The following LRIG1 variants were observed in gnomAD, a reference collection of about 807,000 sequenced individuals.
The protein encoded by LRIG1 is leucine-rich repeats and immunoglobulin-like domains protein 1.
Under a neutral mutation model 99.2 loss-of-function variants are expected in LRIG1, and 48 were observed. The observed-to-expected ratio is 0.48, with a 90% CI of 0.38 to 0.62. The LOEUF (loss-of-function observed/expected upper bound fraction) is 0.62, where lower values mean the gene tolerates loss of function less well. LRIG1 is among the 20% of genes least tolerant of loss of function. The pLI, the probability that LRIG1 is intolerant of heterozygous loss-of-function variation, is 0.00. For synonymous variants in LRIG1, 772 were observed against 596.1 expected (o/e 1.29, Z -4.30); for missense variants, 1,646 against 1,434.4 (o/e 1.15, Z -2.38).
Position 66,488,030 on chromosome 3 carries a change from A to G in LRIG1, c.218+12160T>C, listed in dbSNP as rs138745924. ...TAATAAAAATAAAAATAAATTTTAA[A>G]TCCGGAAGTTTCGTTTTATGAAAAT... On this transcript the variant is annotated intron_variant, in intron 1 of 18. Transcript: ENST00000273261. Among the ~76,000 whole-genome samples, 838 of 152,254 alleles carry G rather than the reference A, an allele frequency of 5.5e-3. 4 individuals are homozygous for G. The highest frequency in any genetic ancestry group is 0.019 in the African/African-American group (784 of 41,564).
At chr3:66,433,753 T>C (rs1703254143) in intron 3 of LRIG1, among the ~76,000 whole-genome samples, 1 of 152,184 alleles carries the variant, frequency 6.6e-6, no homozygotes, top group African/African-American at 2.4e-5. Flanking sequence ...AACGCAGCCC[T>C]TCCTCACCCA....
chr3:66,446,977 G>C (rs1301169123), intron 3 of LRIG1, among the ~76,000 whole-genome samples: 2 of 152,104 alleles, frequency 1.3e-5, no homozygotes, highest in Non-Finnish European at 2.9e-5. Flanking sequence ...TGATGAAAAT[G>C]TTTTAGCATT....
At chr3:66,425,410 A>G (rs1702947535) in intron 3 of LRIG1, among the ~76,000 whole-genome samples, 1 of 152,264 alleles carries the variant, frequency 6.6e-6, no homozygotes, top group African/African-American at 2.4e-5. Context: ...ACAGAATCTC[A>G]GCAAATAAGG....
At position 66,399,059 on chromosome 3, in the gene LRIG1, C is replaced by T; in HGVS notation, c.1161-18G>A. On this transcript the variant is annotated intron_variant, in intron 9 of 18. Coordinates refer to ENST00000273261, the MANE Select transcript of LRIG1 (RefSeq NM_015541.3). ...ACAGAGTCCTGTAGTTTCCAAACAT[C>T]CAGAAATTAAGGCCAGGGAAGGAAA... The T allele has an allele frequency of 6.2e-7, 1 of 1,606,948 alleles. No individual in the cohort carries two copies. Among genetic ancestry groups the T allele is most frequent in the East Asian group, 2.2e-5 (1 of 44,836 alleles).
At position 66,452,405 on chromosome 3, in the gene LRIG1, G is replaced by T. The variant is rs115400278; in HGVS notation, c.291-772C>A. Among the ~76,000 whole-genome samples, 545 of 152,286 alleles carry T rather than the reference G, an allele frequency of 3.6e-3. 6 individuals are homozygous for T. The highest frequency in any genetic ancestry group is 0.012 in the African/African-American group (514 of 41,546). On this transcript the variant is annotated intron_variant, in intron 2 of 18. Coordinates refer to ENST00000273261, the MANE Select transcript of LRIG1 (RefSeq NM_015541.3). ...CTGCCCCCAGAGGCTGTGCAATCTG[G>T]CCTCCTTACATGGACATGTATTTCC...
At position 66,380,175 on chromosome 3, in the gene LRIG1, G is replaced by A. The variant is rs533680845; in HGVS notation, c.*88C>T. The A allele has an allele frequency of 9.6e-7, 1 of 1,046,222 alleles. No individual in the cohort carries two copies. The highest frequency in any genetic ancestry group is 1.6e-5 in the African/African-American group (1 of 62,980). 64.8% of individuals were successfully genotyped at this position (1,046,222 alleles called of 1,614,324 possible). A position where few individuals can be genotyped will look rare whatever the true frequency, so the allele number is the denominator to read the frequency against. ...GGGAGTTACAACTATGTACAGATGA[G>A]TGACGCTTGAACCCAAGCTTCCTCG... On this transcript the variant is annotated 3_prime_UTR_variant, in exon 19 of 19. Coordinates refer to ENST00000273261, the MANE Select transcript of LRIG1 (RefSeq NM_015541.3).
At chr3:66,418,379 C>T (rs1486596023) in intron 3 of LRIG1, among the ~76,000 whole-genome samples, 1 of 152,230 alleles carries the variant, frequency 6.6e-6, no homozygotes, top group Non-Finnish European at 1.5e-5. Context: ...AGGCGTGAGC[C>T]ACCACAGCTG....
rs747672489 is a variant in LRIG1, at chr3:66,384,193, T to A, written c.1869A>T (p.Thr623=). 1.2e-6 allele frequency: 2 copies of A among 1,614,176 alleles called. No individual in the cohort carries two copies. Among genetic ancestry groups the A allele is most frequent in the East Asian group, 4.5e-5 (2 of 44,870 alleles). ...AGGCAATCTGAGGGTTTGGGTGACC[T>A]GTGGCAGCACATTCGAGGCGGGCCA... ...TTMARLECAA[T]GHPNPQIAWQ... is the part of the protein sequence containing the mutation. The change falls in exon 14 of 19, where the codon ACA becomes ACT. Residue 623 remains threonine, a synonymous_variant. Coordinates refer to ENST00000273261, the MANE Select transcript of LRIG1 (RefSeq NM_015541.3).
intron 1 of LRIG1, among the ~76,000 whole-genome samples, chr3:66,483,748 C>T (rs112666592): frequency 3.9e-5 from 6 of 152,314 alleles, no homozygotes; most frequent in African/African-American, 9.6e-5. Context: ...CTCCAAAACG[C>T]GGCTCCAGCA....
chr3:66,499,220 CT>C (rs770820911), intron 1 of LRIG1, among the ~76,000 whole-genome samples: 3 of 151,942 alleles, frequency 2.0e-5, no homozygotes, highest in Non-Finnish European at 4.4e-5. Context: ...AGTCTAATGC[CT>C]TTTTTTTCCT....
At chr3:66,486,560 A>T (rs1700979667) in intron 1 of LRIG1, among the ~76,000 whole-genome samples, 1 of 152,204 alleles carries the variant, frequency 6.6e-6, no homozygotes, top group Non-Finnish European at 1.5e-5. Flanking sequence ...GCTCAAGACA[A>T]ACGCTTAAAT....
At chr3:66,458,204 C>T (rs1700273371) in intron 2 of LRIG1, among the ~76,000 whole-genome samples, 1 of 152,150 alleles carries the variant, frequency 6.6e-6, no homozygotes, top group Non-Finnish European at 1.5e-5. Flanking sequence ...AAGCCTCAAC[C>T]TCCTGGGCTC....
At chr3:66,464,944 A>G (rs1224463239) in intron 1 of LRIG1, among the ~76,000 whole-genome samples, 1 of 152,222 alleles carries the variant, frequency 6.6e-6, no homozygotes, top group Non-Finnish European at 1.5e-5. Flanking sequence ...TAGCAGTATC[A>G]GGACTTAACA....
chr3:66,498,557 T>C (rs1701278862), intron 1 of LRIG1, among the ~76,000 whole-genome samples: 1 of 145,348 alleles, frequency 6.9e-6, no homozygotes, highest in Non-Finnish European at 1.5e-5. Flanking sequence ...GCCCACATGA[T>C]TCTATTTAAA....
chr3:66,417,024 A>C (rs1702635014), intron 4 of LRIG1, 105 bp downstream of exon 4: 1 of 1,451,084 alleles, frequency 6.9e-7, no homozygotes, highest in East Asian at 2.3e-5. Context: ...CGTGGTTGAG[A>C]AGGGAAGGAA....
intron 1 of LRIG1, among the ~76,000 whole-genome samples, chr3:66,479,271 C>T (rs1700795153): frequency 6.6e-6 from 1 of 152,244 alleles, no homozygotes; most frequent in African/African-American, 2.4e-5. Flanking sequence ...ATATGCACAG[C>T]CAATTTCCTT....
chr3:66,417,348 C>A (rs1342602233), intron 3 of LRIG1, 82 bp from the exon 4 acceptor site: 3 of 1,402,506 alleles, frequency 2.1e-6, no homozygotes, highest in Non-Finnish European at 3.0e-6. Context: ...CACCCCACCC[C>A]CCACCAATAT....
intron 1 of LRIG1, among the ~76,000 whole-genome samples, chr3:66,484,784 G>A (rs1036372910): frequency 5.3e-5 from 8 of 152,230 alleles, no homozygotes; most frequent in East Asian, 1.9e-4. Flanking sequence ...AAACAGATGT[G>A]AGTAAAAAGC....
intron 3 of LRIG1, among the ~76,000 whole-genome samples, chr3:66,448,905 A>G (rs531885574): frequency 2.4e-4 from 37 of 152,344 alleles, no homozygotes; most frequent in African/African-American, 8.4e-4. Context: ...CTGGGCCACA[A>G]CTGCAGGGAC....
Sources: allele counts gnomAD v4.1 joint callset (sites outside exome capture counted in the v4.1 genomes callset), GRCh38; gene constraint gnomAD v4.1.1; transcripts MANE v1.5; gene names NCBI Gene and HGNC (gene_info 2026-07-23, HGNC 2026-07-21).